PARD6G: variants seen among roughly 807,000 people sequenced by gnomAD.
The protein encoded by PARD6G is partitioning defective 6 homolog gamma.
In PARD6G, 7 loss-of-function variants were observed where a neutral mutation model predicts 10.7. The ratio of observed to expected loss-of-function variants is 0.66; its 90% CI spans 0.37 to 1.23. The LOEUF (loss-of-function observed/expected upper bound fraction) is 1.23, where lower values mean the gene tolerates loss of function less well. PARD6G is among the 50% of genes most tolerant of loss of function. The probability of loss-of-function intolerance (pLI) is 0.02; values close to 1 mark genes in which losing one functional copy is unlikely to be tolerated. For missense variants in PARD6G, 548 were observed against 571.8 expected, an observed-to-expected ratio of 0.96 and a Z score of 0.42; for synonymous variants, 287 against 269.4, an observed-to-expected ratio of 1.07 and a Z score of -0.64.
rs2052750420 is a variant in PARD6G at position 80,168,356 on chromosome 18, AG to A, written c.296-7751del. ...TTAGTGAAAAATTCCAAACTTTCTT[AG>A]AAATAAAATTTGTTTTAAAGAATAC... On this transcript the variant is annotated intron_variant, in intron 2 of 2. Coordinates refer to ENST00000353265, the MANE Select transcript of PARD6G (RefSeq NM_032510.4). 3.3e-5 allele frequency among the ~76,000 whole-genome samples: 5 copies of A among 152,318 alleles called. 1 individual carries two copies. In the South Asian group the frequency reaches 1.0e-3, roughly 32 times the overall value.
intron 2 of PARD6G, 97 bp downstream of exon 2, chr18:80,202,613 C>G: frequency 1.9e-6 from 2 of 1,033,128 alleles, no homozygotes; most frequent in Non-Finnish European, 2.9e-6. Flanking sequence ...GGTTAGAAAA[C>G]GAACCACATA....
chr18:80,186,263 C>T (rs1401811406), intron 2 of PARD6G, among the ~76,000 whole-genome samples: 1 of 148,444 alleles, frequency 6.7e-6, no homozygotes, highest in African/African-American at 2.5e-5. Flanking sequence ...CACATGCACC[C>T]ACACATGCAT....
At chr18:80,216,177 G>A (rs1967163780) in intron 1 of PARD6G, among the ~76,000 whole-genome samples, 1 of 152,094 alleles carries the variant, frequency 6.6e-6, no homozygotes, top group Non-Finnish European at 1.5e-5. Flanking sequence ...AACAATAAAT[G>A]TTGGAGACTT....
At chr18:80,225,261 C>T (rs1437750495) in intron 1 of PARD6G, among the ~76,000 whole-genome samples, 1 of 152,142 alleles carries the variant, frequency 6.6e-6, no homozygotes, top group Non-Finnish European at 1.5e-5. Flanking sequence ...TTCTTGTCAC[C>T]TAGGTCCTTT....
intron 1 of PARD6G, among the ~76,000 whole-genome samples, chr18:80,208,961 G>A (rs927515367): frequency 5.9e-5 from 9 of 152,026 alleles, no homozygotes; most frequent in East Asian, 1.9e-4. Flanking sequence ...TTAGGCAGGC[G>A]TGGTGGCACA....
chr18:80,195,559 A>ATG (rs1555736134), intron 2 of PARD6G, among the ~76,000 whole-genome samples: 1 of 95,878 alleles, frequency 1.0e-5, no homozygotes, highest in South Asian at 3.4e-4. Context: ...ATATATATAT[A>ATG]TATATATATA....
rs1966907926 is a variant in PARD6G, at chr18:80,192,540, G to C, written c.295+10170C>G. ...GCAGGTGCCACGGCGGGAGCCCAGG[G>C]GATGGGGGAGAGCAGGTGCCACGGC... On this transcript the variant is annotated intron_variant, in intron 2 of 2. Coordinates refer to ENST00000353265, the MANE Select transcript of PARD6G (RefSeq NM_032510.4). This position sits in a 1 kb window ranked among gnomAD's most constrained non-coding sequence, Gnocchi z 4.9. Among the ~76,000 whole-genome samples the C allele has an allele frequency of 6.7e-6, 1 of 149,680 alleles. No homozygotes were observed. The highest frequency in any genetic ancestry group is 2.5e-5 in the African/African-American group (1 of 39,830).
rs1018562154 is a variant in PARD6G at position 80,182,705 on chromosome 18, G to T, written c.295+20005C>A. The T allele has an allele frequency of 3.8e-4, 64 of 168,970 alleles. No homozygotes were observed. Among genetic ancestry groups the T allele is most frequent in the African/African-American group, 1.3e-3 (57 of 42,240 alleles). 10.5% of individuals were successfully genotyped at this position (168,970 alleles called of 1,614,324 possible). A position where few individuals can be genotyped will look rare whatever the true frequency, so the allele number is the denominator to read the frequency against. ...CCAGTCACCTAGACATCACCTGGGTGTTGAAAACCACCTTGAGCCCAAATC... is the reference window on the plus strand; with the variant it reads ...CCAGTCACCTAGACATCACCTGGGTTTTGAAAACCACCTTGAGCCCAAATC... On this transcript the variant is annotated intron_variant, in intron 2 of 2. Coordinates refer to ENST00000353265, the MANE Select transcript of PARD6G (RefSeq NM_032510.4). This position sits in a 1 kb window ranked among gnomAD's most constrained non-coding sequence, Gnocchi z 4.5.
chr18:80,180,888 G>T lies in PARD6G; in HGVS notation c.296-20282C>A, dbSNP rs1036583629. On this transcript the variant is annotated intron_variant, in intron 2 of 2. Transcript: ENST00000353265. This position sits in a 1 kb window ranked among gnomAD's most constrained non-coding sequence, Gnocchi z 5.6. Reference sequence around the variant, plus strand: ...GGCACAAGTTGGGGGGAAGCTCCTGGTATCTAGACAGCAGAGGCCGGGGCA... The same window carrying T: ...GGCACAAGTTGGGGGGAAGCTCCTGTTATCTAGACAGCAGAGGCCGGGGCA... Among the ~76,000 whole-genome samples, 3 of 152,158 alleles carry T rather than the reference G, an allele frequency of 2.0e-5. No individual in the cohort carries two copies. Among genetic ancestry groups the T allele is most frequent in the African/African-American group, 7.2e-5 (3 of 41,438 alleles).
In PARD6G at chr18:80,247,426, A is replaced by G. The variant is rs1967568029; in HGVS notation, c.-78T>C. 1 of 1,214,754 alleles carries G rather than the reference A, an allele frequency of 8.2e-7. No homozygotes were observed. Among genetic ancestry groups the G allele is most frequent in the Non-Finnish European group, 1.1e-6 (1 of 898,916 alleles). The allele number at this position is 1,214,754 out of a possible 1,614,324, so 75.2% of individuals were successfully genotyped here. ...AAAGACTCCCGGGGGCGGCGCCCCC[A>G]GGCCCCGGCCCCGGCCCCGGCCCGC... On this transcript the variant is annotated 5_prime_UTR_variant, in exon 1 of 3. Transcript: ENST00000353265. This position sits in a 1 kb window ranked among gnomAD's most constrained non-coding sequence, Gnocchi z 4.2.
chr18:80,168,945 A>C, intron 2 of PARD6G: 1 of 169,338 alleles, frequency 5.9e-6, no homozygotes, highest in Middle Eastern at 5.2e-4. Flanking sequence ...TAAGGGCTTG[A>C]CCTGATTTAT....
rs189386355 is a variant in PARD6G, at chr18:80,235,866, A to T, written c.72+11411T>A. Among the ~76,000 whole-genome samples, 824 of 152,320 alleles carry T rather than the reference A, an allele frequency of 5.4e-3. 9 individuals are homozygous for T. The highest frequency in any genetic ancestry group is 0.019 in the African/African-American group (776 of 41,556). On this transcript the variant is annotated intron_variant, in intron 1 of 2. Transcript: ENST00000353265. ...AAATTGAGGCAATAATTAATAGCTT[A>T]GCAACCAAAAAAAGTCCAGGACCAG...
rs1966912428 is a variant in PARD6G at position 80,192,973 on chromosome 18, A to T, written c.295+9737T>A. Among the ~76,000 whole-genome samples, 2 of 152,094 alleles carry T rather than the reference A, an allele frequency of 1.3e-5. No homozygotes were observed. The highest frequency in any genetic ancestry group is 4.8e-5 in the African/African-American group (2 of 41,420). On this transcript the variant is annotated intron_variant, in intron 2 of 2. Transcript: ENST00000353265. The surrounding 1 kb of genome is among the most constrained non-coding windows in gnomAD (Gnocchi z 4.9). Reference sequence around the variant, plus strand: ...TGGCCCCTGCTGCCAACATGTCAACACATCACAGAAGACTGACATCTCAAG... The same window carrying T: ...TGGCCCCTGCTGCCAACATGTCAACTCATCACAGAAGACTGACATCTCAAG...
chr18:80,186,004 G>A (rs539946631), intron 2 of PARD6G, among the ~76,000 whole-genome samples: 144 of 121,098 alleles, frequency 1.2e-3, no homozygotes, highest in African/African-American at 3.9e-3. Flanking sequence ...AGACATGCTC[G>A]CACACCCTCA....
At chr18:80,230,955 G>C (rs1967351650) in intron 1 of PARD6G, among the ~76,000 whole-genome samples, 1 of 152,188 alleles carries the variant, frequency 6.6e-6, no homozygotes, top group Non-Finnish European at 1.5e-5. Context: ...ATAGTCACAA[G>C]GCTAGTAAAT....
At chr18:80,222,529 G>T (rs1190599905) in intron 1 of PARD6G, among the ~76,000 whole-genome samples, 1 of 151,664 alleles carries the variant, frequency 6.6e-6, no homozygotes, top group Non-Finnish European at 1.5e-5. Context: ...ATATCCAGAA[G>T]AATCTTGAAA....
At position 80,189,599 on chromosome 18, in the gene PARD6G, G is replaced by C. The variant is rs2052896621; in HGVS notation, c.295+13111C>G. Among the ~76,000 whole-genome samples the C allele has an allele frequency of 6.6e-6, 1 of 152,140 alleles. No individual in the cohort carries two copies. Among genetic ancestry groups the C allele is most frequent in the Non-Finnish European group, 1.5e-5 (1 of 68,020 alleles). ...TTACCCGCTAACTGACACCACGTCA[G>C]GAGCCCACCAGGCCAGGCAGGTCAC... On this transcript the variant is annotated intron_variant, in intron 2 of 2. Transcript: ENST00000353265. The surrounding 1 kb of genome is among the most constrained non-coding windows in gnomAD (Gnocchi z 5.5).
Position 80,235,623 on chromosome 18 carries a change from AAAG to A in PARD6G, c.72+11651_72+11653del, listed in dbSNP as rs1016237610. 3.6e-4 allele frequency among the ~76,000 whole-genome samples: 55 copies of A among 152,320 alleles called. 1 individual carries two copies. Among genetic ancestry groups the A allele is most frequent in the Admixed American group, 3.2e-3 (49 of 15,296 alleles). ...TTGATAGACCGCTAGCAAGACTAAT[AAAG>A]AAGAGAGAAGAATCAAATAGAAGCA... On this transcript the variant is annotated intron_variant, in intron 1 of 2. Coordinates refer to ENST00000353265, the MANE Select transcript of PARD6G (RefSeq NM_032510.4).
In PARD6G at chr18:80,201,605, T is replaced by C. The variant is rs1967007438; in HGVS notation, c.295+1105A>G. On this transcript the variant is annotated intron_variant, in intron 2 of 2. Transcript: ENST00000353265. This position sits in a 1 kb window ranked among gnomAD's most constrained non-coding sequence, Gnocchi z 5.9. ...TGTTCTGATCTTGTGCCAGAGAATC[T>C]GTCTGAAGTGAGGTCAACGAGTCTC... 6.6e-6 allele frequency among the ~76,000 whole-genome samples: 1 copy of C among 152,248 alleles called. No homozygotes were observed. The highest frequency in any genetic ancestry group is 6.5e-5 in the Admixed American group (1 of 15,290).
Sources: gnomAD v4.1 joint callset for allele counts (sites outside exome capture counted in the v4.1 genomes callset) on GRCh38, gnomAD v4.1.1 for gene constraint, Gnocchi (gnomAD v3.1) non-coding constraint, MANE v1.5 for transcripts, NCBI Gene and HGNC (gene_info 2026-07-23, HGNC 2026-07-21) for gene names.